The following GADL1 variants were observed in gnomAD, a reference collection of about 807,000 sequenced individuals.
GADL1 encodes GAD like acidic amino acid decarboxylase 1, also known as acidic amino acid decarboxylase GADL1.
In GADL1, 71 loss-of-function variants were observed where a neutral mutation model predicts 69.5. The ratio of observed to expected loss-of-function variants is 1.02; its 90% confidence interval spans 0.84 to 1.25. GADL1 has a LOEUF of 1.25. Ranked by LOEUF, GADL1 falls within the 50% of genes most tolerant of loss-of-function variation. The pLI is 0.00. For missense variants in GADL1, 737 were observed against 631.8 expected (o/e 1.17, Z -1.79); for synonymous variants, 254 against 214.4 (o/e 1.18, Z -1.62).
At chr3:30,789,108 C>CTGA (rs1696858487) in intron 12 of GADL1, among the ~76,000 whole-genome samples, 1 of 152,210 alleles carries the variant, frequency 6.6e-6, no homozygotes, top group African/African-American at 2.4e-5. Context: ...AGAGGAATCA[C>CTGA]TGATATCACG....
chr3:30,767,084 C>T (rs138165773), intron 14 of GADL1, among the ~76,000 whole-genome samples: 2 of 151,972 alleles, frequency 1.3e-5, no homozygotes, highest in Admixed American at 1.3e-4. Flanking sequence ...TACTGTAATC[C>T]CCATCAAAGT....
At chr3:30,761,897 TATG>T (rs899015896) in intron 14 of GADL1, among the ~76,000 whole-genome samples, 33 of 152,260 alleles carry the variant, frequency 2.2e-4, no homozygotes, top group African/African-American at 7.9e-4. Flanking sequence ...GGATATATAA[TATG>T]AAGTTTATAT....
chr3:30,814,641 T>G (rs1697427088), intron 11 of GADL1, among the ~76,000 whole-genome samples: 1 of 152,190 alleles, frequency 6.6e-6, no homozygotes, highest in African/African-American at 2.4e-5. Flanking sequence ...GACATTCCAG[T>G]GAAGAGACAT....
intron 1 of GADL1, among the ~76,000 whole-genome samples, chr3:30,866,804 A>G (rs565954586): frequency 2.0e-4 from 30 of 152,144 alleles, no homozygotes; most frequent in African/African-American, 7.2e-4. Context: ...TATTTCTTAT[A>G]CCAGATTATA....
intron 11 of GADL1, among the ~76,000 whole-genome samples, chr3:30,832,293 A>G (rs1383574619): frequency 6.6e-6 from 1 of 151,866 alleles, no homozygotes; most frequent in African/African-American, 2.4e-5. Flanking sequence ...ATGCCATGAA[A>G]ATAGACATGG....
chr3:30,826,739 T>C (rs1335729468), intron 11 of GADL1, among the ~76,000 whole-genome samples: 1 of 151,818 alleles, frequency 6.6e-6, no homozygotes, highest in East Asian at 1.9e-4. Context: ...AGCAAGTATC[T>C]CTTCTACTTG....
intron 1 of GADL1, among the ~76,000 whole-genome samples, chr3:30,873,189 A>C (rs1171400532): frequency 2.6e-5 from 4 of 151,968 alleles, no homozygotes; most frequent in African/African-American, 9.7e-5. Flanking sequence ...TGAAACAAAA[A>C]TATAATTGCA....
chr3:30,759,476 T>C (rs1696067540), intron 14 of GADL1, among the ~76,000 whole-genome samples: 1 of 152,212 alleles, frequency 6.6e-6, no homozygotes, highest in Non-Finnish European at 1.5e-5. Flanking sequence ...GAAGGTGCTA[T>C]GTCATTTTCA....
intron 8 of GADL1, among the ~76,000 whole-genome samples, chr3:30,843,551 C>T (rs530236429): frequency 7.4e-4 from 113 of 152,292 alleles, no homozygotes; most frequent in Non-Finnish European, 1.4e-3. Flanking sequence ...CCACCGCGCC[C>T]GGCCTAATGA....
At chr3:30,796,130 A>G (rs1390248610) in intron 12 of GADL1, among the ~76,000 whole-genome samples, 1 of 152,190 alleles carries the variant, frequency 6.6e-6, no homozygotes, top group Non-Finnish European at 1.5e-5. Flanking sequence ...ATACAATCAT[A>G]AAATATCTAT....
At chr3:30,835,263 A>T (rs1039134530) in intron 9 of GADL1, among the ~76,000 whole-genome samples, 4 of 152,060 alleles carry the variant, frequency 2.6e-5, no homozygotes, top group Non-Finnish European at 5.9e-5. Context: ...GGAGTATAGC[A>T]TGTAGAATGA....
chr3:30,889,084 T>TAAAAAAAAAAAAAAA (rs60227313), intron 1 of GADL1, among the ~76,000 whole-genome samples: 6 of 32,912 alleles, frequency 1.8e-4, no homozygotes, highest in Non-Finnish European at 2.0e-4. Flanking sequence ...CGGTAATCTA[T>TAAAAAAAAAAAAAAA]AAAAAAAAAA....
chr3:30,776,770 G>A (rs374012151), intron 14 of GADL1, among the ~76,000 whole-genome samples: 31 of 152,250 alleles, frequency 2.0e-4, no homozygotes, highest in Middle Eastern at 3.4e-3. Flanking sequence ...GCTTTCTGCC[G>A]TGGAAGGCAA....
intron 11 of GADL1, among the ~76,000 whole-genome samples, chr3:30,801,895 T>G (rs766800944): frequency 6.6e-6 from 1 of 152,182 alleles, no homozygotes; most frequent in Non-Finnish European, 1.5e-5. Flanking sequence ...ATCCTTATGC[T>G]CCTCAGTGGA....
intron 14 of GADL1, among the ~76,000 whole-genome samples, chr3:30,732,108 A>C (rs1447894945): frequency 6.6e-6 from 1 of 152,194 alleles, no homozygotes; most frequent in Non-Finnish European, 1.5e-5. Context: ...TTTTTTATTT[A>C]TGAAGCTCCA....
At chr3:30,862,217 C>T (rs1257986493) in intron 1 of GADL1, among the ~76,000 whole-genome samples, 1 of 151,960 alleles carries the variant, frequency 6.6e-6, no homozygotes, top group Non-Finnish European at 1.5e-5. Flanking sequence ...TCTACACATG[C>T]ACAAATGATT....
chr3:30,880,973 A>T (rs1242647435), intron 1 of GADL1, among the ~76,000 whole-genome samples: 1 of 151,956 alleles, frequency 6.6e-6, no homozygotes. Context: ...GGTGTTGCTT[A>T]TGAGAGCAGT....
chr3:30,764,194 G>A (rs867805862), intron 14 of GADL1, among the ~76,000 whole-genome samples: 1 of 149,798 alleles, frequency 6.7e-6, no homozygotes. Flanking sequence ...TAGTTCTTAA[G>A]TAACTGAGGA....
intron 14 of GADL1, among the ~76,000 whole-genome samples, chr3:30,750,383 G>GT (rs1380313510): frequency 2.6e-5 from 4 of 152,160 alleles, no homozygotes; most frequent in Non-Finnish European, 5.9e-5. Context: ...CATGAAAGCT[G>GT]TAACAGCACA....
Sources: allele counts gnomAD v4.1 joint callset (sites outside exome capture counted in the v4.1 genomes callset), GRCh38; gene constraint gnomAD v4.1.1; transcripts MANE v1.5; gene names NCBI Gene and HGNC (gene_info 2026-07-23, HGNC 2026-07-21).